Variants in ME3 observed in about 807,000 individuals in gnomAD.
The protein encoded by ME3 is NADP-dependent malic enzyme, mitochondrial.
Under a neutral mutation model 68.9 loss-of-function variants are expected in ME3, and 48 were observed. The ratio of observed to expected loss-of-function variants is 0.70; its 90% CI spans 0.55 to 0.89. The LOEUF (loss-of-function observed/expected upper bound fraction) is 0.89, where lower values mean the gene tolerates loss of function less well. Among genes scored for constraint, ME3 ranks in the 40% least tolerant of loss-of-function variants. ME3 has a pLI of 0.00. For synonymous variants in ME3, 320 were observed against 318.8 expected, an observed-to-expected ratio of 1.00 and a Z score of -0.04; for missense variants, 675 against 797.4, an observed-to-expected ratio of 0.85 and a Z score of 1.85.
chr11:86,473,700 C>G (rs1950905472), intron 7 of ME3, among the ~76,000 whole-genome samples: 1 of 152,114 alleles, frequency 6.6e-6, no homozygotes, highest in Non-Finnish European at 1.5e-5. Context: ...GTGACTTATT[C>G]TGCTGGGGGT....
chr11:86,504,235 A>C (rs972531299), intron 5 of ME3, among the ~76,000 whole-genome samples: 1 of 152,142 alleles, frequency 6.6e-6, no homozygotes, highest in East Asian at 1.9e-4. Flanking sequence ...TGTGCCTTGA[A>C]AAACTCTGTC....
At chr11:86,614,318 A>G (rs920536268) in intron 2 of ME3, among the ~76,000 whole-genome samples, 2 of 152,234 alleles carry the variant, frequency 1.3e-5, no homozygotes, top group African/African-American at 4.8e-5. Context: ...AAGCACTTTA[A>G]GATTGTATTT....
chr11:86,626,409 T>A (rs1943667010), intron 2 of ME3, among the ~76,000 whole-genome samples: 1 of 152,108 alleles, frequency 6.6e-6, no homozygotes, highest in Admixed American at 6.6e-5. Context: ...AGTGAACAGT[T>A]TTTCTGCTAT....
chr11:86,658,807 G>A (rs868332422), intron 2 of ME3, among the ~76,000 whole-genome samples: 2 of 152,214 alleles, frequency 1.3e-5, no homozygotes, highest in Middle Eastern at 3.4e-3. Context: ...TGCCAGCTCT[G>A]GGAGTGTGAG....
chr11:86,520,397 G>C (rs1954186864), intron 4 of ME3, among the ~76,000 whole-genome samples: 1 of 152,208 alleles, frequency 6.6e-6, no homozygotes, highest in African/African-American at 2.4e-5. Context: ...GTGTGAGCAA[G>C]ACTTCATCTC....
At position 86,536,240 on chromosome 11, in the gene ME3, C is replaced by G. The variant is rs552204814; in HGVS notation, c.467+20313G>C. Among the ~76,000 whole-genome samples, 16 of 151,846 alleles carry G rather than the reference C, an allele frequency of 1.1e-4. No individual in the cohort carries two copies. In the East Asian group the frequency reaches 3.1e-3, roughly 29 times the overall value. Reference sequence around the variant, plus strand: ...ATAGGCATGAGCAAGGACTTCATGTCCAAAACACCAAAAGCAATGGCAACA... The same window carrying G: ...ATAGGCATGAGCAAGGACTTCATGTGCAAAACACCAAAAGCAATGGCAACA... On this transcript the variant is annotated intron_variant, in intron 4 of 14. Coordinates refer to ENST00000543262, the Ensembl canonical transcript of ME3.
chr11:86,488,720 T>C (rs1186433867), intron 6 of ME3, among the ~76,000 whole-genome samples: 1 of 152,146 alleles, frequency 6.6e-6, no homozygotes, highest in Non-Finnish European at 1.5e-5. Context: ...CATTTATTTC[T>C]CATGTACTAT....
intron 13 of ME3, 95 bp from the exon 14 acceptor site, chr11:86,443,014 A>G (rs888431104): frequency 1.1e-6 from 1 of 924,766 alleles, no homozygotes; most frequent in South Asian, 1.6e-5. Flanking sequence ...CCCACCCTGC[A>G]TAGTTGGTCA....
At position 86,487,395 on chromosome 11, in the gene ME3, C is replaced by T. The variant is rs763016370; in HGVS notation, c.751G>A (p.Val251Met). ...AAGTCATCGTATGCCTTCCCGTGCACGCGCTGGTGTTTCAGGCCGATGTAC... is the reference window on the plus strand; with the variant it reads ...AAGTCATCGTATGCCTTCCCGTGCATGCGCTGGTGTTTCAGGCCGATGTAC... The change falls in exon 7 of 15, where the codon GTG becomes ATG. Residue 251 changes from valine to methionine, a missense_variant. Val to Met is a conservative substitution (Grantham distance 21). Coordinates refer to ENST00000543262, the Ensembl canonical transcript of ME3. 3.4e-5 allele frequency: 55 copies of T among 1,614,166 alleles called. No homozygotes were observed. Among genetic ancestry groups the T allele is most frequent in the African/African-American group, 3.3e-4 (25 of 75,030 alleles).
intron 8 of ME3, chr11:86,457,731 T>C (rs1044081065): frequency 7.8e-7 from 1 of 1,287,454 alleles, no homozygotes; most frequent in Non-Finnish European, 1.0e-6. Context: ...ATAAATGCCA[T>C]GGGCAGCTGA....
intron 4 of ME3, among the ~76,000 whole-genome samples, chr11:86,539,838 T>C (rs570360348): frequency 1.3e-4 from 20 of 152,274 alleles, no homozygotes; most frequent in Middle Eastern, 6.8e-3. Flanking sequence ...CTGGACCACA[T>C]TGGAAATAGA....
At chr11:86,557,563 A>G (rs1193314170) in intron 3 of ME3, among the ~76,000 whole-genome samples, 4 of 152,188 alleles carry the variant, frequency 2.6e-5, no homozygotes, top group African/African-American at 9.7e-5. Context: ...TTTGAATCCC[A>G]GCTCTGCTGT....
chr11:86,641,450 G>A (rs963834325), intron 2 of ME3, among the ~76,000 whole-genome samples: 4 of 152,278 alleles, frequency 2.6e-5, no homozygotes, highest in East Asian at 1.9e-4. Flanking sequence ...TCTATAAACC[G>A]TCAGCTAACT....
intron 2 of ME3, among the ~76,000 whole-genome samples, chr11:86,640,325 G>C (rs1944589748): frequency 6.6e-6 from 1 of 152,172 alleles, no homozygotes; most frequent in South Asian, 2.1e-4. Flanking sequence ...AGGAGAATAT[G>C]GGGTTTTCCA....
intron 2 of ME3, among the ~76,000 whole-genome samples, chr11:86,581,973 A>G (rs946723006): frequency 6.6e-6 from 1 of 152,244 alleles, no homozygotes; most frequent in Non-Finnish European, 1.5e-5. Flanking sequence ...CCTGAATTCT[A>G]GTCTTCACTC....
intron 4 of ME3, among the ~76,000 whole-genome samples, chr11:86,513,597 A>G (rs1035253300): frequency 6.6e-6 from 1 of 152,230 alleles, no homozygotes; most frequent in African/African-American, 2.4e-5. Flanking sequence ...AGTTCTTGAC[A>G]GACACCTAGA....
rs1328397420 is a variant in ME3 at position 86,487,330 on chromosome 11, C to T, written c.809+7G>A. 1 of 1,608,838 alleles carries T rather than the reference C, an allele frequency of 6.2e-7. No individual in the cohort carries two copies. The highest frequency in any genetic ancestry group is 1.7e-5 in the Admixed American group (1 of 59,994). On this transcript the variant is annotated splice_region_variant and intron_variant, in intron 7 of 14. Coordinates refer to ENST00000543262, the Ensembl canonical transcript of ME3. ...CTCTTTCAAAAGGGACAGACTGGTCCACTTACTTGTCTGTCACAGCCTGCA... is the reference window on the plus strand; with the variant it reads ...CTCTTTCAAAAGGGACAGACTGGTCTACTTACTTGTCTGTCACAGCCTGCA...
At chr11:86,645,807 C>A (rs576686468) in intron 2 of ME3, among the ~76,000 whole-genome samples, 2 of 152,304 alleles carry the variant, frequency 1.3e-5, no homozygotes, top group African/African-American at 4.8e-5. Context: ...AGAGCCCCAG[C>A]TGGCATCTGG....
intron 7 of ME3, among the ~76,000 whole-genome samples, chr11:86,471,473 C>T (rs1950781021): frequency 6.6e-6 from 1 of 152,094 alleles, no homozygotes; most frequent in Admixed American, 6.6e-5. Flanking sequence ...ACATCTCTTT[C>T]CCTACCCTTA....
Sources: allele counts gnomAD v4.1 joint callset (sites outside exome capture counted in the v4.1 genomes callset), GRCh38; gene constraint gnomAD v4.1.1; transcripts MANE v1.5; gene names NCBI Gene and HGNC (gene_info 2026-07-23, HGNC 2026-07-21).